The following RORA variants were observed in gnomAD, a reference collection of about 807,000 sequenced individuals.
RORA encodes the protein nuclear receptor ROR-alpha.
Under a neutral mutation model 69.5 loss-of-function variants are expected in RORA, and 7 were observed. The ratio of observed to expected loss-of-function variants is 0.10; its 90% CI spans 0.06 to 0.19. The LOEUF is 0.19. RORA is among the 10% of genes least tolerant of loss of function. The pLI is 1.00. For missense variants in RORA, 457 were observed against 663.0 expected, an observed-to-expected ratio of 0.69 and a Z score of 3.41; for synonymous variants, 261 against 240.8, an observed-to-expected ratio of 1.08 and a Z score of -0.78.
At chr15:60,890,990 C>T (rs1021330949) in intron 1 of RORA, among the ~76,000 whole-genome samples, 5 of 152,158 alleles carry the variant, frequency 3.3e-5, no homozygotes, top group Admixed American at 6.5e-5. Flanking sequence ...CACAAGGAGG[C>T]GGTTGAATAG....
At chr15:61,144,702 ACT>A (rs1229772792) in intron 1 of RORA, among the ~76,000 whole-genome samples, 1 of 152,162 alleles carries the variant, frequency 6.6e-6, no homozygotes, top group Non-Finnish European at 1.5e-5. Flanking sequence ...GGAATATGAA[ACT>A]CTAGGATCTC....
intron 2 of RORA, among the ~76,000 whole-genome samples, chr15:60,597,287 G>A (rs780237161): frequency 1.3e-5 from 2 of 151,590 alleles, no homozygotes; most frequent in Non-Finnish European, 1.5e-5. Flanking sequence ...CAGAGGACTG[G>A]CTTATGTTTT....
chr15:60,930,374 G>A (rs565302958), intron 1 of RORA, among the ~76,000 whole-genome samples: 1 of 152,168 alleles, frequency 6.6e-6, no homozygotes, highest in South Asian at 2.1e-4. Context: ...TAAGCCGAGA[G>A]ACAGAAAGAT....
chr15:60,509,607 G>A (rs74020731), intron 5 of RORA, among the ~76,000 whole-genome samples: 2 of 152,328 alleles, frequency 1.3e-5, no homozygotes, highest in East Asian at 1.9e-4. Flanking sequence ...ACAGGACAGA[G>A]TCACTAGTAT....
intron 1 of RORA, among the ~76,000 whole-genome samples, chr15:60,999,853 A>G (rs1259734482): frequency 6.6e-6 from 1 of 152,244 alleles, no homozygotes; most frequent in African/African-American, 2.4e-5. Flanking sequence ...GTGGCCATTT[A>G]GAAGAGGATC....
chr15:60,624,493 T>TATATATATATATATAC (rs1332430460), intron 2 of RORA, among the ~76,000 whole-genome samples: 5 of 124,612 alleles, frequency 4.0e-5, no homozygotes, highest in African/African-American at 1.3e-4. Context: ...TATATATATA[T>TATATATATATATATAC]ATATTTGCTG....
intron 2 of RORA, among the ~76,000 whole-genome samples, chr15:60,560,146 C>T (rs1423852751): frequency 1.3e-5 from 2 of 152,194 alleles, no homozygotes; most frequent in Non-Finnish European, 2.9e-5. Flanking sequence ...ATTTAGATCT[C>T]TCCAGAACAT....
chr15:60,977,747 T>G (rs1893919134), intron 1 of RORA, among the ~76,000 whole-genome samples: 1 of 152,234 alleles, frequency 6.6e-6, no homozygotes, highest in Non-Finnish European at 1.5e-5. Context: ...TCTCTTAGCA[T>G]AATGCTTTGA....
At chr15:60,699,030 G>A (rs933543417) in intron 1 of RORA, among the ~76,000 whole-genome samples, 2 of 151,852 alleles carry the variant, frequency 1.3e-5, no homozygotes, top group Admixed American at 1.3e-4. Flanking sequence ...TATGTTGCTT[G>A]TCTCCCCAGT....
chr15:60,845,727 A>C (rs963447412), intron 1 of RORA, among the ~76,000 whole-genome samples: 1 of 152,166 alleles, frequency 6.6e-6, no homozygotes, highest in Non-Finnish European at 1.5e-5. Flanking sequence ...ACAATTATAC[A>C]CCTCAGTATG....
intron 2 of RORA, among the ~76,000 whole-genome samples, chr15:60,646,273 A>C (rs2140685552): frequency 6.6e-6 from 1 of 152,312 alleles, no homozygotes; most frequent in Middle Eastern, 3.4e-3. Flanking sequence ...TCCAACTCGC[A>C]AACTCTTAAT....
At chr15:61,100,112 CTTTTTTT>C (rs911036920) in intron 1 of RORA, among the ~76,000 whole-genome samples, 35 of 119,054 alleles carry the variant, frequency 2.9e-4, no homozygotes, top group African/African-American at 7.3e-4. Flanking sequence ...GGTCAATTTT[CTTTTTTT>C]TTTTTTTTTT....
At chr15:60,698,693 A>T (rs1448684398) in intron 1 of RORA, among the ~76,000 whole-genome samples, 1 of 148,320 alleles carries the variant, frequency 6.7e-6, no homozygotes, top group African/African-American at 2.5e-5. Context: ...CATTGAATAG[A>T]TATCATCGTG....
chr15:60,813,009 T>C (rs2072764924), intron 1 of RORA, among the ~76,000 whole-genome samples: 1 of 152,238 alleles, frequency 6.6e-6, no homozygotes, highest in Non-Finnish European at 1.5e-5. Context: ...TCTCAGTAGC[T>C]TACAGAAAAA....
intron 1 of RORA, among the ~76,000 whole-genome samples, chr15:60,938,668 G>A (rs1402421270): frequency 1.3e-5 from 2 of 152,136 alleles, no homozygotes; most frequent in Non-Finnish European, 2.9e-5. Flanking sequence ...ATAAGAGGGA[G>A]GCAAGAAGGT....
intron 1 of RORA, among the ~76,000 whole-genome samples, chr15:61,151,918 TG>T (rs2079401339): frequency 6.6e-6 from 1 of 152,182 alleles, no homozygotes; most frequent in Non-Finnish European, 1.5e-5. Context: ...TGGTTTGTCT[TG>T]CCACTCGCCA....
At position 60,649,255 on chromosome 15, in the gene RORA, A is replaced by T. The variant is rs185007949; in HGVS notation, c.196+29402T>A. Reference sequence around the variant, plus strand: ...GTTGCTTCCAGGAAAAAAAAAAAAAATCCCCGGCATATAAGATTCTTGCTC... The same window carrying T: ...GTTGCTTCCAGGAAAAAAAAAAAAATTCCCCGGCATATAAGATTCTTGCTC... On this transcript the variant is annotated intron_variant, in intron 2 of 10. Coordinates refer to ENST00000335670, the MANE Select transcript of RORA (RefSeq NM_134261.3). Among the ~76,000 whole-genome samples, 23 of 149,890 alleles carry T rather than the reference A, an allele frequency of 1.5e-4. No individual in the cohort carries two copies. The East Asian group carries it at 4.3e-3, about 28-fold the overall frequency.
At chr15:61,035,454 T>C (rs78616718) in intron 1 of RORA, among the ~76,000 whole-genome samples, 1,609 of 152,268 alleles carry the variant, frequency 0.011, 30 homozygotes, top group African/African-American at 0.036. Flanking sequence ...GCAAAATACA[T>C]CAAGCAATTT....
intron 1 of RORA, among the ~76,000 whole-genome samples, chr15:60,851,115 T>C (rs1005767117): frequency 6.6e-6 from 1 of 152,162 alleles, no homozygotes; most frequent in African/African-American, 2.4e-5. Flanking sequence ...CAAGCTTCCC[T>C]GCTAGCACCA....
Sources: gnomAD v4.1 joint callset for allele counts (sites outside exome capture counted in the v4.1 genomes callset) on GRCh38, gnomAD v4.1.1 for gene constraint, MANE v1.5 for transcripts, NCBI Gene and HGNC (gene_info 2026-07-23, HGNC 2026-07-21) for gene names.